The following EYS variants were observed in gnomAD, a reference collection of about 807,000 sequenced individuals.
EYS encodes the protein EGF-like photoreceptor maintenance factor, also known as protein eyes shut homolog.
In EYS, 250 loss-of-function variants were observed where a neutral mutation model predicts 282.1. That is an observed-to-expected ratio of 0.89 (90% CI 0.80 to 0.98). The LOEUF (loss-of-function observed/expected upper bound fraction) is 0.98. Ranked by LOEUF, EYS falls within the 50% of genes least tolerant of loss-of-function variation. The probability of loss-of-function intolerance (pLI) is 0.00; values close to 1 mark genes in which losing one functional copy is unlikely to be tolerated. For synonymous variants in EYS, 1,355 were observed against 1,282.9 expected (o/e 1.06, Z -1.20); for missense variants, 4,016 against 3,709.0 (o/e 1.08, Z -2.15).
rs116579239 is a variant in EYS at position 64,025,070 on chromosome 6, C to T, written c.6726-25887G>A. The stretch of plus-strand genomic sequence containing the variant: ...TCACCAAGCAGTGAGTACCATCAGA[C>T]GCCTTTCACTTGCTATTCTGTCCTA... On this transcript the variant is annotated intron_variant, in intron 33 of 42. Transcript: ENST00000503581. Among the ~76,000 whole-genome samples, 675 of 152,230 alleles carry T rather than the reference C, an allele frequency of 4.4e-3. 2 individuals carry two copies. The highest frequency in any genetic ancestry group is 0.015 in the African/African-American group (640 of 41,540).
intron 26 of EYS, among the ~76,000 whole-genome samples, chr6:64,527,392 A>G (rs961789231): frequency 6.6e-6 from 1 of 151,848 alleles, no homozygotes; most frequent in African/African-American, 2.4e-5. Context: ...AAAAGAGAAA[A>G]TGCCTGCATG....
chr6:63,799,016 T>TAA (rs1286180094), intron 37 of EYS, among the ~76,000 whole-genome samples: 4 of 137,504 alleles, frequency 2.9e-5, no homozygotes, highest in African/African-American at 1.1e-4. Flanking sequence ...TATATATATA[T>TAA]ATATAATTTT....
chr6:65,265,112 G>C (rs1030161740), intron 12 of EYS, among the ~76,000 whole-genome samples: 1 of 151,882 alleles, frequency 6.6e-6, no homozygotes, highest in Non-Finnish European at 1.5e-5. Flanking sequence ...GAGGGAGAGA[G>C]GCAAGGGTTG....
At chr6:65,610,161 A>G (rs1040327160) in intron 2 of EYS, among the ~76,000 whole-genome samples, 1 of 151,826 alleles carries the variant, frequency 6.6e-6, no homozygotes, top group Non-Finnish European at 1.5e-5. Flanking sequence ...TTCCCCTTAG[A>G]CTCCCAAAAC....
chr6:65,330,350 T>C (rs1769750172), intron 11 of EYS: 2 of 984,078 alleles, frequency 2.0e-6, no homozygotes, highest in Non-Finnish European at 2.4e-6. Context: ...AGACATAAAT[T>C]TGAGGCTTCA....
intron 1 of EYS, among the ~76,000 whole-genome samples, chr6:65,682,798 C>T (rs1768882721): frequency 6.6e-6 from 1 of 151,514 alleles, no homozygotes. Context: ...GAAGGAAAGG[C>T]CATGTATATA....
At chr6:64,073,675 T>A (rs1469499185) in intron 32 of EYS, among the ~76,000 whole-genome samples, 10 of 151,838 alleles carry the variant, frequency 6.6e-5, no homozygotes, top group Admixed American at 6.6e-4. Context: ...TTAAACCTTA[T>A]GGATTGAGTA....
intron 12 of EYS, among the ~76,000 whole-genome samples, chr6:65,138,459 C>T (rs75498906): frequency 0.024 from 3,724 of 152,008 alleles, 147 homozygotes; most frequent in African/African-American, 0.083. Flanking sequence ...TTTGGTTCCA[C>T]GCTGAAATGG....
At chr6:63,797,272 G>C (rs1050470700) in intron 37 of EYS, 19 of 152,188 alleles carry the variant, frequency 1.2e-4, no homozygotes, top group Admixed American at 1.1e-3. Flanking sequence ...AGTGTGAAAG[G>C]TCTTAGGAAA....
intron 18 of EYS, among the ~76,000 whole-genome samples, chr6:64,901,576 T>C (rs893162232): frequency 6.6e-6 from 1 of 151,930 alleles, no homozygotes; most frequent in Non-Finnish European, 1.5e-5. Context: ...GTTTACCCAA[T>C]GGTTCAACAA....
chr6:64,624,478 G>A (rs1767540483), intron 23 of EYS, among the ~76,000 whole-genome samples: 1 of 152,102 alleles, frequency 6.6e-6, no homozygotes, highest in Non-Finnish European at 1.5e-5. Flanking sequence ...GAGGCAAAAT[G>A]TTTGAAATGG....
intron 15 of EYS, among the ~76,000 whole-genome samples, chr6:64,928,943 G>C (rs1378450601): frequency 1.3e-5 from 2 of 151,992 alleles, no homozygotes; most frequent in African/African-American, 4.8e-5. Flanking sequence ...AATCTTCTGG[G>C]CTTCAATAAC....
At chr6:64,838,510 T>C (rs1267136385) in intron 19 of EYS, among the ~76,000 whole-genome samples, 2 of 151,932 alleles carry the variant, frequency 1.3e-5, no homozygotes, top group South Asian at 2.1e-4. Context: ...CTGATTGAAA[T>C]TTCTGTCATT....
chr6:65,677,090 A>C (rs1411808958), intron 1 of EYS, among the ~76,000 whole-genome samples: 1 of 130,386 alleles, frequency 7.7e-6, no homozygotes, highest in Non-Finnish European at 1.6e-5. Context: ...CCATAGCTTT[A>C]TCACAGTCAT....
chr6:64,436,903 T>C (rs1052217954), intron 27 of EYS, among the ~76,000 whole-genome samples: 3 of 151,808 alleles, frequency 2.0e-5, no homozygotes, highest in Admixed American at 6.6e-5. Context: ...ATGGATTATA[T>C]TGTGTCTATT....
chr6:64,775,327 T>C (rs1773646305), intron 22 of EYS, among the ~76,000 whole-genome samples: 3 of 151,984 alleles, frequency 2.0e-5, no homozygotes, highest in South Asian at 4.1e-4. Context: ...GCTGTTCATA[T>C]AGTTAATTTT....
At position 65,613,980 on chromosome 6, in the gene EYS, G is replaced by C. The variant is rs116677061; in HGVS notation, c.-333+25798C>G. 3.6e-3 allele frequency among the ~76,000 whole-genome samples: 545 copies of C among 151,800 alleles called. 3 individuals carry two copies. The highest frequency in any genetic ancestry group is 0.013 in the African/African-American group (525 of 41,518). ...TTTTGCATACTTTTCTTAAACAACT[G>C]AAAAAGAAGCAATTTAGTTACTACA... On this transcript the variant is annotated intron_variant, in intron 2 of 42. Transcript: ENST00000503581.
chr6:64,444,694 C>T (rs1434266887), intron 26 of EYS, among the ~76,000 whole-genome samples: 1 of 152,174 alleles, frequency 6.6e-6, no homozygotes, highest in Non-Finnish European at 1.5e-5. Context: ...CTCCAAATCC[C>T]ATGTGGAAAT....
intron 26 of EYS, among the ~76,000 whole-genome samples, chr6:64,585,259 C>A (rs1156883432): frequency 6.6e-6 from 1 of 152,086 alleles, no homozygotes; most frequent in East Asian, 1.9e-4. Flanking sequence ...TAAGTAGGAG[C>A]TAAACAGTGA....
Sources: allele counts gnomAD v4.1 joint callset (sites outside exome capture counted in the v4.1 genomes callset), GRCh38; gene constraint gnomAD v4.1.1; transcripts MANE v1.5; gene names NCBI Gene and HGNC (gene_info 2026-07-23, HGNC 2026-07-21).